ADCY9: variants seen among roughly 807,000 people sequenced by gnomAD.
ADCY9 encodes adenylate cyclase type 9.
Under a neutral mutation model 101.5 loss-of-function variants are expected in ADCY9, and 50 were observed. That is an observed-to-expected ratio of 0.49 (90% CI 0.39 to 0.62). The LOEUF is 0.62. ADCY9 is among the 20% of genes least tolerant of loss of function. The pLI, the probability that ADCY9 is intolerant of heterozygous loss-of-function variation, is 0.00. For missense variants in ADCY9, 1,662 were observed against 1,800.4 expected (o/e 0.92, Z 1.39); for synonymous variants, 905 against 769.3 (o/e 1.18, Z -2.92).
chr16:4,042,145 A>G (rs12932927), intron 2 of ADCY9, among the ~76,000 whole-genome samples: 129,408 of 151,724 alleles, frequency 0.85, 55,543 homozygotes, highest in East Asian at 0.96. Context: ...GGCTGGTCTC[A>G]AACTCCTGAC....
chr16:4,112,880 A>G (rs1185013470), intron 2 of ADCY9, among the ~76,000 whole-genome samples: 1 of 152,158 alleles, frequency 6.6e-6, no homozygotes, highest in Non-Finnish European at 1.5e-5. Flanking sequence ...ACTTATTTTA[A>G]TATCATTTTC....
intron 5 of ADCY9, among the ~76,000 whole-genome samples, chr16:3,956,359 C>T (rs182558966): frequency 3.3e-5 from 5 of 152,118 alleles, no homozygotes; most frequent in Non-Finnish European, 7.4e-5. Context: ...AAAAAACTAC[C>T]TAACACAATA....
intron 3 of ADCY9, among the ~76,000 whole-genome samples, chr16:4,003,477 C>A (rs2056345305): frequency 6.6e-6 from 1 of 152,170 alleles, no homozygotes; most frequent in African/African-American, 2.4e-5. Context: ...TCCCAGCAAT[C>A]CCGAGAGGTC....
At chr16:4,023,776 G>C (rs1174257862) in intron 2 of ADCY9, among the ~76,000 whole-genome samples, 1 of 152,070 alleles carries the variant, frequency 6.6e-6, no homozygotes, top group Non-Finnish European at 1.5e-5. Flanking sequence ...AGCCAGGCGG[G>C]GTACATGCCT....
chr16:4,018,882 G>A (rs1163049803), intron 2 of ADCY9, among the ~76,000 whole-genome samples: 1 of 151,518 alleles, frequency 6.6e-6, no homozygotes, highest in Admixed American at 6.6e-5. Flanking sequence ...CAGCAGCACT[G>A]GTGGCTGAAA....
Position 4,033,172 on chromosome 16 carries a change from C to T in ADCY9, c.1694-25614G>A, listed in dbSNP as rs573432363. On this transcript the variant is annotated intron_variant, in intron 2 of 10. Transcript: ENST00000294016. ...AAAATTATGATTTTCCCATAAATCA[C>T]ATATAAGCACTTAGCAAAAAATATT... 1.6e-3 allele frequency among the ~76,000 whole-genome samples: 245 copies of T among 152,272 alleles called. 1 individual carries two copies. Among genetic ancestry groups the T allele is most frequent in the Non-Finnish European group, 2.7e-3 (185 of 68,024 alleles).
intron 6 of ADCY9, among the ~76,000 whole-genome samples, chr16:3,986,551 G>A (rs2056194976): frequency 6.6e-6 from 1 of 152,082 alleles, no homozygotes; most frequent in South Asian, 2.1e-4. Context: ...TCCGCCTCCC[G>A]GGTTCAGGCG....
intron 2 of ADCY9, among the ~76,000 whole-genome samples, chr16:4,081,121 G>A (rs1368737868): frequency 2.6e-5 from 4 of 152,186 alleles, no homozygotes; most frequent in Non-Finnish European, 5.9e-5. Flanking sequence ...GTGTGTGGAT[G>A]GTGTGGCCTG....
At chr16:4,081,573 T>C (rs12923825) in intron 2 of ADCY9, among the ~76,000 whole-genome samples, 5,513 of 152,316 alleles carry the variant, frequency 0.036, 115 homozygotes, top group Non-Finnish European at 0.051. Flanking sequence ...CTGACAGTCA[T>C]AGCCCAGCTC....
intron 2 of ADCY9, among the ~76,000 whole-genome samples, chr16:4,061,753 T>C (rs1249523976): frequency 6.6e-6 from 1 of 152,216 alleles, no homozygotes; most frequent in African/African-American, 2.4e-5. Flanking sequence ...CACCAGATTA[T>C]ATCCTGAATC....
chr16:4,076,217 A>C (rs1213638243), intron 2 of ADCY9, among the ~76,000 whole-genome samples: 3 of 152,200 alleles, frequency 2.0e-5, no homozygotes, highest in Non-Finnish European at 2.9e-5. Flanking sequence ...CAAAACAAAA[A>C]TGCAAAACAA....
chr16:3,978,643 T>C (rs1157678417), intron 8 of ADCY9, among the ~76,000 whole-genome samples: 1 of 152,242 alleles, frequency 6.6e-6, no homozygotes, highest in East Asian at 1.9e-4. Context: ...GGCAGGCCAA[T>C]GCTAAGTCGG....
At position 4,113,930 on chromosome 16, in the gene ADCY9, A is replaced by T; in HGVS notation, c.1513T>A (p.Phe505Ile). 2 of 1,613,956 alleles carry T rather than the reference A, an allele frequency of 1.2e-6. No individual in the cohort carries two copies. Among genetic ancestry groups the T allele is most frequent in the Non-Finnish European group, 1.7e-6 (2 of 1,180,002 alleles). ...TCGTTGGACCACACGTCAAATTTAA[A>T]CCTCCTCATGCCCAGGATGCCGCAA... ...VLCGILGMRR[F>I]KFDVWSNDVN... Residue 505 changes from phenylalanine (F) to isoleucine (I), a missense_variant, in exon 2 of 11, where the codon TTT (phenylalanine) becomes ATT (isoleucine). By Grantham distance (21) the Phe-to-Ile change is conservative (BLOSUM62 0). Around this residue, in one of 5 missense-constraint regions of ADCY9, gnomAD observed 228 missense variants for 301.1 expected, o/e 0.76. Transcript: ENST00000294016.
intron 2 of ADCY9, among the ~76,000 whole-genome samples, chr16:4,087,708 GCAA>G (rs2056948275): frequency 3.3e-5 from 5 of 151,748 alleles, no homozygotes; most frequent in African/African-American, 1.2e-4. Context: ...CAGTCCTGAA[GCAA>G]TCCTGTTACT....
Position 3,983,270 on chromosome 16 carries a change from G to A in ADCY9, c.2481C>T (p.Ala827=). 6.4e-7 allele frequency: 1 copy of A among 1,554,002 alleles called. No individual in the cohort carries two copies. The highest frequency in any genetic ancestry group is 1.2e-5 in the South Asian group (1 of 84,258). The part of the protein sequence containing the change: ...PPAALAVFSA[A]LLLEVLSLAV... ...CGAGGGACAGCACCTCCAGCAGCAGGGCTGCACTGAAGACCGCCAGGGCGG... is the reference window on the plus strand; with the variant it reads ...CGAGGGACAGCACCTCCAGCAGCAGAGCTGCACTGAAGACCGCCAGGGCGG... The change falls in exon 7 of 11, where the codon GCC becomes GCT. Residue 827 remains alanine (A), a synonymous_variant. Coordinates refer to ENST00000294016, the MANE Select transcript of ADCY9 (RefSeq NM_001116.4).
intron 2 of ADCY9, among the ~76,000 whole-genome samples, chr16:4,105,412 C>G (rs555676273): frequency 1.6e-4 from 25 of 151,992 alleles, no homozygotes; most frequent in Non-Finnish European, 3.5e-4. Context: ...TGGCTCACAC[C>G]TATAATCCCA....
intron 2 of ADCY9, among the ~76,000 whole-genome samples, chr16:4,109,156 C>T (rs555917535): frequency 5.8e-4 from 88 of 152,210 alleles, no homozygotes; most frequent in Non-Finnish European, 1.1e-3. Flanking sequence ...GTTCACAAAA[C>T]ACTTTTTCTA....
chr16:3,970,512 G>A (rs2056041486), intron 10 of ADCY9, among the ~76,000 whole-genome samples: 1 of 152,008 alleles, frequency 6.6e-6, no homozygotes, highest in Non-Finnish European at 1.5e-5. Flanking sequence ...TTTTTTAGTA[G>A]AGACAGGGTT....
At chr16:4,112,593 T>C (rs2057120866) in intron 2 of ADCY9, among the ~76,000 whole-genome samples, 1 of 152,006 alleles carries the variant, frequency 6.6e-6, no homozygotes, top group Non-Finnish European at 1.5e-5. Flanking sequence ...CTATTACTTC[T>C]GCCATCTCTG....
Sources: allele counts gnomAD v4.1 joint callset (sites outside exome capture counted in the v4.1 genomes callset), GRCh38; gene constraint gnomAD v4.1.1; regional missense constraint gnomAD v4.1.1; transcripts MANE v1.5; gene names NCBI Gene and HGNC (gene_info 2026-07-23, HGNC 2026-07-21).